Variants in PRPF18 observed in about 807,000 individuals in gnomAD.
PRPF18 encodes the protein pre-mRNA-splicing factor 18.
PRPF18 carries 38 observed loss-of-function variants against 46.5 expected under a neutral mutation model. That is an observed-to-expected ratio of 0.82 (90% CI 0.63 to 1.07). The LOEUF (loss-of-function observed/expected upper bound fraction) is 1.07, where lower values mean the gene tolerates loss of function less well. PRPF18 is among the 50% of genes least tolerant of loss of function. PRPF18 has a pLI of 0.00. For missense variants in PRPF18, 263 were observed against 410.0 expected (o/e 0.64, Z 3.10); for synonymous variants, 152 against 146.7 (o/e 1.04, Z -0.26).
chr10:13,633,536 G>A (rs1344241579), downstream of PRPF18, among the ~76,000 whole-genome samples: 1 of 152,116 alleles, frequency 6.6e-6, no homozygotes, highest in African/African-American at 2.4e-5. Flanking sequence ...TCATATCATT[G>A]GCTGCTTTTC....
At chr10:13,650,440 G>A in the PRPF18 span, among the ~76,000 whole-genome samples, 3 of 152,194 alleles carry the variant, frequency 2.0e-5, no homozygotes, top group Non-Finnish European at 4.4e-5. Context: ...ATTCGTGTAT[G>A]TATGTAGGTA....
chr10:13,588,265 G>A (rs1228584657), intron 1 of PRPF18, among the ~76,000 whole-genome samples: 1 of 152,054 alleles, frequency 6.6e-6, no homozygotes, highest in East Asian at 1.9e-4. Flanking sequence ...AAATTAGCTG[G>A]GCGTGGTGGT....
intron 8 of PRPF18, among the ~76,000 whole-genome samples, chr10:13,614,433 A>G (rs921335801): frequency 6.6e-6 from 1 of 152,238 alleles, no homozygotes; most frequent in African/African-American, 2.4e-5. Context: ...AAATTTTCCC[A>G]TAGAAACAAC....
At chr10:13,621,463 A>G (rs536962608) in intron 9 of PRPF18, among the ~76,000 whole-genome samples, 99 of 152,120 alleles carry the variant, frequency 6.5e-4, no homozygotes, top group Non-Finnish European at 1.1e-3. Flanking sequence ...CTGTCTCCAT[A>G]CAGCTACCCT....
chr10:13,634,748 T>C (rs2080621423), downstream of PRPF18, among the ~76,000 whole-genome samples: 1 of 152,268 alleles, frequency 6.6e-6, no homozygotes, highest in Admixed American at 6.5e-5. Flanking sequence ...GGCCGTACCA[T>C]GTGCAAGGCA....
At chr10:13,614,816 A>G (rs2080318213) in intron 8 of PRPF18, among the ~76,000 whole-genome samples, 1 of 152,202 alleles carries the variant, frequency 6.6e-6, no homozygotes, top group African/African-American at 2.4e-5. Flanking sequence ...GCAATGAAGA[A>G]AGAACAGAGT....
chr10:13,602,047 G>C (rs1285361092), intron 3 of PRPF18, among the ~76,000 whole-genome samples: 1 of 152,158 alleles, frequency 6.6e-6, no homozygotes, highest in Non-Finnish European at 1.5e-5. Context: ...ATTTTTGATT[G>C]TGTGGAATTG....
At chr10:13,614,140 C>T (rs1039824168) in intron 8 of PRPF18, 54 bp downstream of exon 8, 28 of 1,297,040 alleles carry the variant, frequency 2.2e-5, no homozygotes, top group Middle Eastern at 2.3e-4. Context: ...AGGTTATGTA[C>T]GTAATATAAT....
At chr10:13,600,899 C>T (rs2080097844) in intron 3 of PRPF18, among the ~76,000 whole-genome samples, 1 of 152,172 alleles carries the variant, frequency 6.6e-6, no homozygotes. Context: ...GCCTCAGCCT[C>T]CTGAGTGGCT....
chr10:13,647,035 C>G, the PRPF18 span: 1 of 906,266 alleles, frequency 1.1e-6, no homozygotes, highest in Non-Finnish European at 1.3e-6. Flanking sequence ...CATTGTAGCT[C>G]CTGTGGGAGG....
the PRPF18 span, chr10:13,653,560 C>T: frequency 6.6e-6 from 1 of 152,282 alleles, no homozygotes; most frequent in Non-Finnish European, 1.5e-5. Context: ...TTGTGCTTTT[C>T]TCATGATTCA....
intron 9 of PRPF18, among the ~76,000 whole-genome samples, chr10:13,623,823 T>G (rs767191173): frequency 7.9e-5 from 12 of 152,206 alleles, no homozygotes; most frequent in Non-Finnish European, 4.4e-5. Flanking sequence ...CCAGGATATA[T>G]CCTATATCAT....
chr10:13,629,564 GAA>G (rs2080563001), intron 9 of PRPF18, among the ~76,000 whole-genome samples: 1 of 152,086 alleles, frequency 6.6e-6, no homozygotes, highest in African/African-American at 2.4e-5. Flanking sequence ...CTTTCTTTTT[GAA>G]AAACCGTTCC....
chr10:13,638,318 T>TA, the PRPF18 span, among the ~76,000 whole-genome samples: 56 of 151,218 alleles, frequency 3.7e-4, 1 homozygote, highest in South Asian at 5.4e-3. Context: ...TTTTTTTTTT[T>TA]ATGGCATCAT....
downstream of PRPF18, among the ~76,000 whole-genome samples, chr10:13,633,732 T>C (rs2080610591): frequency 6.6e-6 from 1 of 152,208 alleles, no homozygotes; most frequent in Non-Finnish European, 1.5e-5. Flanking sequence ...TGCCTCCTCC[T>C]TCCCCCAGTA....
chr10:13,617,452 G>A (rs1423453674), intron 9 of PRPF18, among the ~76,000 whole-genome samples: 1 of 151,816 alleles, frequency 6.6e-6, no homozygotes, highest in Non-Finnish European at 1.5e-5. Context: ...CATGTGAACT[G>A]TATACAGAGT....
chr10:13,610,655 A>C (rs1432728575), intron 5 of PRPF18, among the ~76,000 whole-genome samples: 2 of 152,156 alleles, frequency 1.3e-5, no homozygotes, highest in African/African-American at 4.8e-5. Context: ...GTTCTCCGGT[A>C]ATGATGGACA....
At chr10:13,603,662 T>A (rs890065833) in intron 3 of PRPF18, among the ~76,000 whole-genome samples, 2 of 152,218 alleles carry the variant, frequency 1.3e-5, no homozygotes, top group Non-Finnish European at 2.9e-5. Flanking sequence ...GTTCGACCTC[T>A]GTAGTTGTGG....
chr10:13,646,989 G>A, the PRPF18 span: 6 of 984,064 alleles, frequency 6.1e-6, no homozygotes, highest in Non-Finnish European at 7.2e-6. Flanking sequence ...ACATCAGCTA[G>A]TTCTGGATAG....
Sources: allele counts gnomAD v4.1 joint callset (sites outside exome capture counted in the v4.1 genomes callset), GRCh38; gene constraint gnomAD v4.1.1; transcripts MANE v1.5; gene names NCBI Gene and HGNC (gene_info 2026-07-23, HGNC 2026-07-21).